NT5DC4: variants seen among roughly 807,000 people sequenced by gnomAD.
The protein encoded by NT5DC4 is 5'-nucleotidase domain containing 4, also known as 5'-nucleotidase domain-containing protein 4.
A neutral mutation model predicts 26.6 loss-of-function variants in NT5DC4; 44 were observed. That is an observed-to-expected ratio of 1.65 (90% CI 1.30 to 2.13). The LOEUF is 2.13. Among genes scored for constraint, NT5DC4 ranks in the 30% most tolerant of loss-of-function variants. NT5DC4 has a pLI of 0.00. For missense variants in NT5DC4, 399 were observed against 228.1 expected, an observed-to-expected ratio of 1.75 and a Z score of -4.83; for synonymous variants, 157 against 86.7, an observed-to-expected ratio of 1.81 and a Z score of -4.51.
intron 16 of NT5DC4, among the ~76,000 whole-genome samples, chr2:112,734,977 A>C (rs1678927431): frequency 6.6e-6 from 1 of 150,760 alleles, no homozygotes; most frequent in Non-Finnish European, 1.5e-5. Flanking sequence ...GGCGTGAGCC[A>C]CCGCACCCAG....
chr2:112,721,916 A>G (rs892486575), intron 2 of NT5DC4, 25 bp downstream of exon 2: 8 of 717,250 alleles, frequency 1.1e-5, no homozygotes, highest in Non-Finnish European at 5.2e-6. Context: ...AACACAGCGT[A>G]TTGGGAGCTG....
At chr2:112,732,931 G>A (rs1448047422) in intron 16 of NT5DC4, among the ~76,000 whole-genome samples, 4 of 152,094 alleles carry the variant, frequency 2.6e-5, no homozygotes, top group Non-Finnish European at 4.4e-5. Flanking sequence ...AGATTAACAC[G>A]TGTCCTCACT....
chr2:112,735,038 A>ATT (rs70965024), intron 16 of NT5DC4, among the ~76,000 whole-genome samples: 1,568 of 94,412 alleles, frequency 0.017, 74 homozygotes, highest in Admixed American at 0.065. Flanking sequence ...AGGCAAGAAC[A>ATT]TTTTTTTTTT....
chr2:112,732,581 AG>A (rs1678616554), intron 16 of NT5DC4, among the ~76,000 whole-genome samples: 1 of 152,234 alleles, frequency 6.6e-6, no homozygotes, highest in African/African-American at 2.4e-5. Flanking sequence ...CAGACCCTAG[AG>A]CCCATACTTT....
chr2:112,723,056 C>T (rs1371145306), intron 6 of NT5DC4, 25 bp from the exon 7 acceptor site: 6 of 702,904 alleles, frequency 8.5e-6, no homozygotes, highest in Non-Finnish European at 1.6e-5. Context: ...TATTGGCCTC[C>T]CCGTCCCCTC....
At chr2:112,730,900 T>C (rs751175721) in intron 16 of NT5DC4, among the ~76,000 whole-genome samples, 2 of 152,148 alleles carry the variant, frequency 1.3e-5, no homozygotes, top group African/African-American at 4.8e-5. Context: ...AGCAGAGAGA[T>C]GGACACACTC....
chr2:112,722,908 G>T, intron 6 of NT5DC4, 137 bp downstream of exon 6: 1 of 676,430 alleles, frequency 1.5e-6, no homozygotes, highest in South Asian at 1.6e-5. Context: ...GGCCTCTATT[G>T]CAGGCTAGCA....
intron 16 of NT5DC4, among the ~76,000 whole-genome samples, chr2:112,735,962 CT>C (rs1392794155): frequency 6.6e-6 from 1 of 152,098 alleles, no homozygotes; most frequent in Non-Finnish European, 1.5e-5. Context: ...TAAAACTGCT[CT>C]TTTGGGAACT....
upstream of NT5DC4, among the ~76,000 whole-genome samples, chr2:112,719,825 CCCTT>C (rs113627327): frequency 0.015 from 1,607 of 106,208 alleles, 52 homozygotes; most frequent in African/African-American, 0.047. Context: ...CCTTTCCTTT[CCCTT>C]CCTTCCTTCC....
At chr2:112,723,237 C>T in intron 7 of NT5DC4, 63 bp downstream of exon 7, 2 of 716,784 alleles carry the variant, frequency 2.8e-6, no homozygotes, top group Non-Finnish European at 5.2e-6. Context: ...CCCGGGCAGC[C>T]TTCAGGCCTC....
At chr2:112,728,355 A>G (rs1678030061) in intron 15 of NT5DC4, among the ~76,000 whole-genome samples, 1 of 152,216 alleles carries the variant, frequency 6.6e-6, no homozygotes, top group Non-Finnish European at 1.5e-5. Context: ...CAGATGATAC[A>G]GTAAACACTC....
chr2:112,724,864 G>A lies in NT5DC4; in HGVS notation c.873G>A (p.Gly291=), dbSNP rs770823716. Residue 291 remains glycine, a synonymous_variant, in exon 11 of 17, where the codon GGG becomes GGA. Transcript: ENST00000688554. ...AGAAGCCCCACTTCTTTGCAGAGGG[G>A]TTGGTCCTGAGGCAGGTCAACACGG... ...DTQKPHFFAE[G]LVLRQVNTVM... is the part of the protein sequence containing the mutation. 2.8e-6 allele frequency: 2 copies of A among 717,202 alleles called. No individual in the cohort carries two copies. The highest frequency in any genetic ancestry group is 5.2e-6 in the Non-Finnish European group (2 of 385,028). 44.4% of individuals were successfully genotyped at this position (717,202 alleles called of 1,614,324 possible).
At chr2:112,723,862 T>A (rs13384583) in intron 9 of NT5DC4, 60 bp downstream of exon 9, 380,986 of 663,404 alleles carry the variant, frequency 0.57, 107,138 homozygotes, top group African/African-American at 0.67. Context: ...GGGGACACAG[T>A]GGCACTGCAA....
At chr2:112,726,892 C>CAGCG in intron 15 of NT5DC4, 154 bp downstream of exon 15, 1 of 655,536 alleles carries the variant, frequency 1.5e-6, no homozygotes, top group African/African-American at 1.8e-5. Flanking sequence ...CCTTGTCAGC[C>CAGCG]AGCGCCCTCT....
rs759040662 is a variant in NT5DC4 at position 112,738,945 on chromosome 2, C to T, written c.*9C>T. ...AGAGAAGCCACTACTAAATCGTGTT[C>T]CTGCAGCATTTCTGGGTAGCGGGAC... On this transcript the variant is annotated 3_prime_UTR_variant, in exon 17 of 17. Coordinates refer to ENST00000688554, the MANE Select transcript of NT5DC4 (RefSeq NM_001393655.1). 9.3e-6 allele frequency: 15 copies of T among 1,614,074 alleles called. No individual in the cohort carries two copies. The Middle Eastern group carries it at 4.9e-4, about 53-fold the overall frequency.
intron 16 of NT5DC4, among the ~76,000 whole-genome samples, chr2:112,733,501 T>C (rs1006678609): frequency 6.6e-6 from 1 of 152,200 alleles, no homozygotes; most frequent in Non-Finnish European, 1.5e-5. Flanking sequence ...ATGGTCCAAC[T>C]TCCAATCCGT....
rs1236244151 is a variant in NT5DC4 at position 112,723,708 on chromosome 2, C to T, written c.673-11C>T. 1.1e-5 allele frequency: 8 copies of T among 716,728 alleles called. No individual in the cohort carries two copies. The highest frequency in any genetic ancestry group is 2.3e-4 in the Middle Eastern group (1 of 4,372). 44.4% of individuals were successfully genotyped at this position (716,728 alleles called of 1,614,324 possible). A position where few individuals can be genotyped will look rare whatever the true frequency, so the allele number is the denominator to read the frequency against. ...GTCCCACCCCTGCAAGTCCCTCTAT[C>T]TCTGCCCCAGCCACGCCTCCCCATC... On this transcript the variant is annotated splice_polypyrimidine_tract_variant and intron_variant, in intron 8 of 16. Coordinates refer to ENST00000688554, the MANE Select transcript of NT5DC4 (RefSeq NM_001393655.1).
At chr2:112,729,804 T>C in intron 16 of NT5DC4, 100 bp downstream of exon 16, 1 of 689,916 alleles carries the variant, frequency 1.4e-6, no homozygotes, top group Non-Finnish European at 2.7e-6. Flanking sequence ...CATGAGGCAA[T>C]TGGTGGGGGG....
chr2:112,724,050 G>C, intron 9 of NT5DC4, 44 bp from the exon 10 acceptor site: 2 of 716,854 alleles, frequency 2.8e-6, no homozygotes, highest in Non-Finnish European at 2.6e-6. Flanking sequence ...AGAGGCAGGT[G>C]GTGGCCCAAG....
Sources: gnomAD v4.1 joint callset for allele counts (sites outside exome capture counted in the v4.1 genomes callset) on GRCh38, gnomAD v4.1.1 for gene constraint, MANE v1.5 for transcripts, NCBI Gene and HGNC (gene_info 2026-07-23, HGNC 2026-07-21) for gene names.